Variants in GGACT observed in about 807,000 individuals in gnomAD.
The protein encoded by GGACT is gamma-glutamylaminecyclotransferase.
For missense variants in GGACT, 241 were observed against 233.2 expected (o/e 1.03, Z -0.22); for synonymous variants, 118 against 115.3 (o/e 1.02, Z -0.15).
chr13:100,557,170 CT>C (rs2088716133), intron 2 of GGACT, among the ~76,000 whole-genome samples: 1 of 152,204 alleles, frequency 6.6e-6, no homozygotes, highest in South Asian at 2.1e-4. Flanking sequence ...GGATTACAGG[CT>C]TTAGCCACCA....
rs1377286457 is a variant in GGACT at position 100,531,296 on chromosome 13, C to T, written c.*834G>A. On this transcript the variant is annotated 3_prime_UTR_variant, in exon 3 of 3. Transcript: ENST00000683975. ...ATTTGGAAGCTAAGCTTCTGTCAGG[C>T]CTGAAGAACAAATTACTAATGCATT... 2 of 152,182 alleles carry T rather than the reference C, an allele frequency of 1.3e-5. No homozygotes were observed. The highest frequency in any genetic ancestry group is 2.4e-5 in the African/African-American group (1 of 41,436). 9.4% of individuals were successfully genotyped at this position (152,182 alleles called of 1,614,324 possible). A position where few individuals can be genotyped will look rare whatever the true frequency, so the allele number is the denominator to read the frequency against.
intron 2 of GGACT, chr13:100,540,175 T>C: frequency 6.4e-7 from 1 of 1,558,208 alleles, no homozygotes; most frequent in East Asian, 2.2e-5. Context: ...TCGGGCACAG[T>C]TAGTGCAGCG....
intron 2 of GGACT, among the ~76,000 whole-genome samples, chr13:100,561,549 G>A (rs995240366): frequency 6.6e-6 from 1 of 152,124 alleles, no homozygotes; most frequent in East Asian, 1.9e-4. Flanking sequence ...CTTACCTGGG[G>A]CTATTAACAC....
chr13:100,544,820 C>T (rs185753746), intron 2 of GGACT, among the ~76,000 whole-genome samples: 386 of 152,368 alleles, frequency 2.5e-3, no homozygotes, highest in Admixed American at 4.1e-3. Flanking sequence ...CATGACCATC[C>T]CCTGCATCCC....
intron 2 of GGACT, among the ~76,000 whole-genome samples, chr13:100,580,440 C>T (rs971057008): frequency 3.3e-5 from 5 of 152,168 alleles, no homozygotes; most frequent in African/African-American, 7.2e-5. Context: ...CGCCTGGAGC[C>T]GCCAGAAGCT....
rs911849715 is a variant in GGACT, at chr13:100,548,362, TTAAG to T, written c.-10-15765_-10-15762del. On this transcript the variant is annotated intron_variant, in intron 2 of 2. Coordinates refer to ENST00000683975, the MANE Select transcript of GGACT (RefSeq NM_001195087.2). ...AGTTTTATATTACTGTTTTGCCTTC[TTAAG>T]TGAGAAATAGAGAATCCAACTTTAA... Among the ~76,000 whole-genome samples, 6 of 152,358 alleles carry T rather than the reference TTAAG, an allele frequency of 3.9e-5. 1 individual carries two copies. Among genetic ancestry groups the T allele is most frequent in the African/African-American group, 1.4e-4 (6 of 41,592 alleles).
chr13:100,541,227 G>A (rs1284875014), intron 2 of GGACT, among the ~76,000 whole-genome samples: 1 of 152,224 alleles, frequency 6.6e-6, no homozygotes, highest in African/African-American at 2.4e-5. Context: ...TGCAGGGCCA[G>A]CATCAGGAAA....
intron 1 of GGACT, among the ~76,000 whole-genome samples, chr13:100,587,829 C>T (rs1875626280): frequency 1.3e-5 from 2 of 152,200 alleles, no homozygotes; most frequent in Admixed American, 6.5e-5. Context: ...AGTTCGAGAC[C>T]AGCCTGGCCA....
At position 100,534,769 on chromosome 13, in the gene GGACT, G is replaced by C. The variant is rs956921338; in HGVS notation, c.-10-2168C>G. ...TCCTCCAATGCCTGCCTGCATCCCT[G>C]TTGTCTTTGTTCCCCTGGATCCTGC... On this transcript the variant is annotated intron_variant, in intron 2 of 2. Coordinates refer to ENST00000683975, the MANE Select transcript of GGACT (RefSeq NM_001195087.2). This position sits in a 1 kb window ranked among gnomAD's most constrained non-coding sequence, Gnocchi z 4.9. Among the ~76,000 whole-genome samples the C allele has an allele frequency of 2.6e-5, 4 of 151,930 alleles. No individual in the cohort carries two copies. Among genetic ancestry groups the C allele is most frequent in the Non-Finnish European group, 4.4e-5 (3 of 67,978 alleles).
chr13:100,582,456 T>C (rs1449851081), intron 2 of GGACT, among the ~76,000 whole-genome samples: 3 of 152,206 alleles, frequency 2.0e-5, no homozygotes, highest in South Asian at 2.1e-4. Flanking sequence ...TTAACTCCTA[T>C]GCCAAAAGGG....
intron 2 of GGACT, among the ~76,000 whole-genome samples, chr13:100,554,772 G>C (rs1450262415): frequency 6.6e-6 from 1 of 152,152 alleles, no homozygotes; most frequent in Non-Finnish European, 1.5e-5. Flanking sequence ...TATTGAAACT[G>C]GGTGATGGAT....
Position 100,545,174 on chromosome 13 carries a change from C to T in GGACT, c.-10-12573G>A, listed in dbSNP as rs1231070152. 3.9e-5 allele frequency among the ~76,000 whole-genome samples: 6 copies of T among 152,374 alleles called. No homozygotes were observed. Among genetic ancestry groups the T allele is most frequent in the South Asian group, 4.1e-4 (2 of 4,832 alleles). Reference sequence around the variant, plus strand: ...ACTTGCCGGACCTACCTGTGGCTCACGGGGGATCAACGCCACCCCCAAGGG... The same window carrying T: ...ACTTGCCGGACCTACCTGTGGCTCATGGGGGATCAACGCCACCCCCAAGGG... On this transcript the variant is annotated intron_variant, in intron 2 of 2. Coordinates refer to ENST00000683975, the MANE Select transcript of GGACT (RefSeq NM_001195087.2). This position sits in a 1 kb window ranked among gnomAD's most constrained non-coding sequence, Gnocchi z 4.4.
At position 100,588,726 on chromosome 13, in the gene GGACT, G is replaced by A. The variant is rs1328611942; in HGVS notation, c.-184+15C>T. The A allele has an allele frequency of 6.6e-6, 1 of 151,620 alleles. No homozygotes were observed. The highest frequency in any genetic ancestry group is 1.5e-5 in the Non-Finnish European group (1 of 67,856). 9.4% of individuals were successfully genotyped at this position (151,620 alleles called of 1,614,324 possible). The stretch of plus-strand genomic sequence containing the variant: ...CAGGCGCAGCCCCGACCCCCGCCCG[G>A]GCTCAGCGCCTCACCTGCCGGCAGC... On this transcript the variant is annotated intron_variant, in intron 1 of 2. Transcript: ENST00000683975.
At chr13:100,547,269 C>T (rs1280140373) in intron 2 of GGACT, among the ~76,000 whole-genome samples, 3 of 152,168 alleles carry the variant, frequency 2.0e-5, no homozygotes, top group Non-Finnish European at 4.4e-5. Flanking sequence ...AATGAACCTG[C>T]AAAACTCACC....
Position 100,532,178 on chromosome 13 carries a change from G to A in GGACT, c.414C>T (p.Asp138=). 1.4e-6 allele frequency: 2 copies of A among 1,465,816 alleles called. No homozygotes were observed. The highest frequency in any genetic ancestry group is 1.4e-5 in the South Asian group (1 of 71,534). 90.8% of individuals were successfully genotyped at this position (1,465,816 alleles called of 1,614,324 possible). ...WAQLPHHDSY[D]SEGPHGLRYN... is the part of the protein sequence containing the mutation. ...AGCGCAGCCCGTGCGGCCCCTCGGAGTCGTAGCTGTCATGGTGCGGGAGCT... is the reference window on the plus strand; with the variant it reads ...AGCGCAGCCCGTGCGGCCCCTCGGAATCGTAGCTGTCATGGTGCGGGAGCT... The change falls in exon 3 of 3, where the codon GAC becomes GAT. Residue 138 remains aspartate (D), a synonymous_variant. Transcript: ENST00000683975.
intron 2 of GGACT, among the ~76,000 whole-genome samples, chr13:100,554,800 C>T (rs960164505): frequency 2.0e-5 from 3 of 152,134 alleles, no homozygotes; most frequent in Non-Finnish European, 4.4e-5. Context: ...AATCATTGTA[C>T]TGCTCTATTA....
chr13:100,563,586 T>A (rs1043470226), intron 2 of GGACT, among the ~76,000 whole-genome samples: 1 of 152,124 alleles, frequency 6.6e-6, no homozygotes, highest in African/African-American at 2.4e-5. Flanking sequence ...GAGGCCAAGG[T>A]AGGAGGATCA....
At chr13:100,587,975 G>C (rs1875632583) in intron 1 of GGACT, among the ~76,000 whole-genome samples, 1 of 152,166 alleles carries the variant, frequency 6.6e-6, no homozygotes, top group Non-Finnish European at 1.5e-5. Flanking sequence ...GCAGTGAGCC[G>C]AGATCGCGCC....
chr13:100,549,191 A>G (rs1180603913), intron 2 of GGACT, among the ~76,000 whole-genome samples: 1 of 152,138 alleles, frequency 6.6e-6, no homozygotes, highest in African/African-American at 2.4e-5. Flanking sequence ...TAAAAACAAA[A>G]TTAGCCAGAT....
Sources: gnomAD v4.1 joint callset for allele counts (sites outside exome capture counted in the v4.1 genomes callset) on GRCh38, gnomAD v4.1.1 for gene constraint, Gnocchi (gnomAD v3.1) non-coding constraint, MANE v1.5 for transcripts, NCBI Gene and HGNC (gene_info 2026-07-23, HGNC 2026-07-21) for gene names.